CARS2: variants seen among roughly 807,000 people sequenced by gnomAD.
CARS2 encodes cysteinyl-tRNA synthetase 2, mitochondrial.
Under a neutral mutation model 68.8 loss-of-function variants are expected in CARS2, and 52 were observed. That is an observed-to-expected ratio of 0.76 (90% confidence interval 0.61 to 0.95). CARS2 has a LOEUF of 0.95. CARS2 is among the 40% of genes least tolerant of loss of function. The pLI is 0.00. For missense variants in CARS2, 780 were observed against 754.2 expected (o/e 1.03, Z -0.40); for synonymous variants, 314 against 303.6 (o/e 1.03, Z -0.36).
At chr13:110,656,031 T>G (rs2062357120) in intron 9 of CARS2, among the ~76,000 whole-genome samples, 1 of 152,216 alleles carries the variant, frequency 6.6e-6, no homozygotes, top group South Asian at 2.1e-4. Flanking sequence ...TGGGACTGGA[T>G]GCAGTGGCTC....
At position 110,679,573 on chromosome 13, in the gene CARS2, G is replaced by GAA. The variant is rs2063081147; in HGVS notation, c.656-2471_656-2470insTT. Among the ~76,000 whole-genome samples the GAA allele has an allele frequency of 5.5e-3, 514 of 94,196 alleles. 9 individuals are homozygous for GAA. Among genetic ancestry groups the GAA allele is most frequent in the South Asian group, 0.034 (67 of 1,948 alleles). The allele number at this position is 94,196 out of a possible 152,430, so 61.8% of individuals were successfully genotyped here. A position where few individuals can be genotyped will look rare whatever the true frequency, so the allele number is the denominator to read the frequency against. On this transcript the variant is annotated intron_variant, in intron 6 of 14. Transcript: ENST00000257347. ...GAAAAGAAAGAAAGAAAGAAAGAGA[G>GAA]AGAAAGAAAGAAAGAAAGAAAGAAA...
intron 8 of CARS2, chr13:110,663,852 TA>T: frequency 9.2e-7 from 1 of 1,081,376 alleles, no homozygotes; most frequent in East Asian, 6.1e-5. Flanking sequence ...AATTCAGAGA[TA>T]CTGAATTCAG....
rs140488394 is a variant in CARS2, at chr13:110,653,199, A to ATG, written c.988-2101_988-2100dup. Among the ~76,000 whole-genome samples, 53,076 of 148,122 alleles carry ATG rather than the reference A, an allele frequency of 0.36. 9,904 individuals carry two copies. The highest frequency in any genetic ancestry group is 0.47 in the African/African-American group (18,489 of 39,700). ...CTGGGGTGGGGAGGGGGGCTGGGGT[A>ATG]TGTGTGTGTGTGTGTTTGTGTGTGT... On this transcript the variant is annotated intron_variant, in intron 9 of 14. Transcript: ENST00000257347. This position sits in a 1 kb window ranked among gnomAD's most constrained non-coding sequence, Gnocchi z 5.6.
intron 2 of CARS2, among the ~76,000 whole-genome samples, chr13:110,703,497 C>A (rs1034644078): frequency 6.6e-6 from 1 of 152,240 alleles, no homozygotes; most frequent in Non-Finnish European, 1.5e-5. Context: ...CATTCAGCTG[C>A]GCACTTAAGA....
chr13:110,675,258 C>T (rs1410692960), intron 7 of CARS2, among the ~76,000 whole-genome samples: 4 of 152,282 alleles, frequency 2.6e-5, no homozygotes, highest in Non-Finnish European at 4.4e-5. Flanking sequence ...CACATGCACA[C>T]GTATGTTTAT....
chr13:110,646,232 T>C, intron 11 of CARS2, 142 bp from the exon 12 acceptor site: 1 of 927,786 alleles, frequency 1.1e-6, no homozygotes. Flanking sequence ...AAGACTTGAG[T>C]TCCTGAGTAG....
At chr13:110,685,879 C>T (rs975064675) in intron 5 of CARS2, among the ~76,000 whole-genome samples, 4 of 148,276 alleles carry the variant, frequency 2.7e-5, no homozygotes, top group South Asian at 2.1e-4. Flanking sequence ...TTAGCATCCG[C>T]AAACCAATGA....
At chr13:110,670,000 G>C (rs1471700003) in intron 7 of CARS2, among the ~76,000 whole-genome samples, 1 of 152,210 alleles carries the variant, frequency 6.6e-6, no homozygotes, top group African/African-American at 2.4e-5. Flanking sequence ...AGGCGGCAGC[G>C]AGGCTGGGGG....
Position 110,651,060 on chromosome 13 carries a change from A to G in CARS2, c.1028T>C (p.Phe343Ser), listed in dbSNP as rs1379867194. The G allele has an allele frequency of 6.2e-7, 1 of 1,613,438 alleles. No homozygotes were observed. The highest frequency in any genetic ancestry group is 8.5e-7 in the Non-Finnish European group (1 of 1,179,964). The change falls in exon 10 of 15, where the codon TTC (phenylalanine) becomes TCC (serine). Residue 343 changes from phenylalanine to serine, a missense_variant. Coordinates refer to ENST00000257347, the MANE Select transcript of CARS2 (RefSeq NM_024537.4). The stretch of plus-strand genomic sequence containing the variant: ...TGAGCGGTAGCTGCTCCGCAGGCAG[A>G]AGAACCGGAAGACATCGGGGGAAAA... ...KTFSPDVFRFFCLRSSYRSAI... is the reference protein window; with the variant it reads ...KTFSPDVFRFSCLRSSYRSAI...
intron 3 of CARS2, among the ~76,000 whole-genome samples, chr13:110,699,233 C>T (rs2063713659): frequency 6.6e-6 from 1 of 152,196 alleles, no homozygotes; most frequent in African/African-American, 2.4e-5. Flanking sequence ...TCTGTTACAG[C>T]AGCACAAAAC....
At chr13:110,673,279 A>G (rs1219700178) in intron 7 of CARS2, among the ~76,000 whole-genome samples, 1 of 152,242 alleles carries the variant, frequency 6.6e-6, no homozygotes, top group Admixed American at 6.5e-5. Context: ...TTTTAGACCA[A>G]TAGCCCTGAT....
rs139023352 is a variant in CARS2, at chr13:110,671,046, G to A, written c.786-3573C>T. Among the ~76,000 whole-genome samples, 21 of 152,202 alleles carry A rather than the reference G, an allele frequency of 1.4e-4. 1 individual carries two copies. The highest frequency in any genetic ancestry group is 3.4e-4 in the African/African-American group (14 of 41,548). On this transcript the variant is annotated intron_variant, in intron 7 of 14. Transcript: ENST00000257347. ...GTAAAAAGAAATGAACAAAGCCTCC[G>A]AGAAATATGGGACTATGTGAAAAGA...
intron 8 of CARS2, chr13:110,666,708 G>A (rs2062658122): frequency 1.0e-6 from 1 of 985,280 alleles, no homozygotes; most frequent in Non-Finnish European, 1.2e-6. Context: ...TTTAGATGTC[G>A]AAGTTTGCAT....
At chr13:110,667,727 C>CT (rs1395063306) in intron 7 of CARS2, among the ~76,000 whole-genome samples, 1 of 152,026 alleles carries the variant, frequency 6.6e-6, no homozygotes, top group Non-Finnish European at 1.5e-5. Flanking sequence ...TTCTCTTTTT[C>CT]TTTCTTTCTT....
chr13:110,668,024 G>A lies in CARS2; in HGVS notation c.786-551C>T, dbSNP rs185245140. 1.7e-4 allele frequency among the ~76,000 whole-genome samples: 26 copies of A among 152,336 alleles called. No individual in the cohort carries two copies. In the East Asian group the frequency reaches 4.6e-3, roughly 27 times the overall value. On this transcript the variant is annotated intron_variant, in intron 7 of 14. Transcript: ENST00000257347. This position sits in a 1 kb window ranked among gnomAD's most constrained non-coding sequence, Gnocchi z 4.1. The stretch of plus-strand genomic sequence containing the variant: ...GAAATGAGGCTGGGCCAGCCCACTC[G>A]AAGCTCTGTCCCTGGACCAGCTGCA...
Position 110,665,301 on chromosome 13 carries a change from C to G in CARS2, c.920-1783G>C. 1.6e-6 allele frequency: 1 copy of G among 644,114 alleles called. No individual in the cohort carries two copies. The highest frequency in any genetic ancestry group is 1.9e-6 in the Non-Finnish European group (1 of 518,282). The allele number at this position is 644,114 out of a possible 1,614,324, so 39.9% of individuals were successfully genotyped here. A position where few individuals can be genotyped will look rare whatever the true frequency, so the allele number is the denominator to read the frequency against. On this transcript the variant is annotated intron_variant, in intron 8 of 14. Transcript: ENST00000257347. This position sits in a 1 kb window ranked among gnomAD's most constrained non-coding sequence, Gnocchi z 4.3. ...CTTCTACTAAAAATACAAAAATTAGCTGGGTATGGTGGTATGCACCTGTAG... is the reference window on the plus strand; with the variant it reads ...CTTCTACTAAAAATACAAAAATTAGGTGGGTATGGTGGTATGCACCTGTAG...
At position 110,701,448 on chromosome 13, in the gene CARS2, C is replaced by A. The variant is rs1368783369; in HGVS notation, c.383G>T (p.Arg128Ile). Residue 128 changes from arginine (R) to isoleucine (I), a missense_variant, in exon 3 of 15, where the codon AGA becomes ATA. Physicochemically the swap from Arg to Ile is moderately conservative, Grantham distance 97 (BLOSUM62 -3). Coordinates refer to ENST00000257347, the MANE Select transcript of CARS2 (RefSeq NM_024537.4). ...CTCTTCTCCACTTACCTCATTGGCT[C>A]TTTTGATGATTTTATCATCTACATC... Reference protein sequence around the residue: ...ITDVDDKIIKRANEMNISPAS... With the variant: ...ITDVDDKIIKIANEMNISPAS... The A allele has an allele frequency of 2.8e-6, 4 of 1,438,948 alleles. No homozygotes were observed. In the East Asian group the frequency reaches 9.1e-5, roughly 33 times the overall value. 89.1% of individuals were successfully genotyped at this position (1,438,948 alleles called of 1,614,324 possible).
intron 5 of CARS2, among the ~76,000 whole-genome samples, chr13:110,685,753 G>A (rs1263163760): frequency 6.6e-6 from 1 of 152,130 alleles, no homozygotes; most frequent in East Asian, 1.9e-4. Context: ...ATGAGGCTGT[G>A]GTCAGGGTTT....
At chr13:110,709,347 GTC>G (rs2064008410), upstream of CARS2, among the ~76,000 whole-genome samples, 1 of 152,040 alleles carries the variant, frequency 6.6e-6, no homozygotes, top group Non-Finnish European at 1.5e-5. Context: ...GCCCACCTCG[GTC>G]TCTGAAAGTG....
Sources: allele counts gnomAD v4.1 joint callset (sites outside exome capture counted in the v4.1 genomes callset), GRCh38; gene constraint gnomAD v4.1.1; non-coding constraint Gnocchi (gnomAD v3.1); transcripts MANE v1.5; gene names NCBI Gene and HGNC (gene_info 2026-07-23, HGNC 2026-07-21).